Variants in CPZ observed in about 807,000 individuals in gnomAD.
CPZ encodes carboxypeptidase Z, also known as VEZT/CPZ fusion.
CPZ carries 103 observed loss-of-function variants against 61.8 expected under a neutral mutation model. That is an observed-to-expected ratio of 1.67 (90% CI 1.42 to 1.96). The LOEUF (loss-of-function observed/expected upper bound fraction) is 1.96. Among genes scored for constraint, CPZ ranks in the 30% most tolerant of loss-of-function variants. The pLI is 0.00. For missense variants in CPZ, 1,461 were observed against 914.9 expected (o/e 1.60, Z -7.70); for synonymous variants, 551 against 373.7 (o/e 1.47, Z -5.47).
intron 7 of CPZ, among the ~76,000 whole-genome samples, chr4:8,609,614 G>T (rs2109334170): frequency 6.6e-6 from 1 of 152,292 alleles, no homozygotes; most frequent in African/African-American, 2.4e-5. Flanking sequence ...CCTCTGCACA[G>T]GCCCAGTGTG....
At chr4:8,609,205 CACTT>C (rs1303860242) in intron 7 of CPZ, among the ~76,000 whole-genome samples, 72 of 104,336 alleles carry the variant, frequency 6.9e-4, no homozygotes, top group African/African-American at 1.6e-3. Context: ...CTCCCTCACT[CACTT>C]ACTCATTCAC....
At chr4:8,613,098 C>G (rs1715850233) in intron 8 of CPZ, among the ~76,000 whole-genome samples, 6 of 152,060 alleles carry the variant, frequency 3.9e-5, no homozygotes, top group Admixed American at 3.9e-4. Flanking sequence ...CAACAGACAC[C>G]CACGAGCAGA....
At chr4:8,612,896 A>G (rs1254800932) in intron 8 of CPZ, among the ~76,000 whole-genome samples, 2 of 152,180 alleles carry the variant, frequency 1.3e-5, no homozygotes, top group Non-Finnish European at 2.9e-5. Flanking sequence ...CCCTCTTCCC[A>G]TGCAGGCGGG....
At position 8,604,087 on chromosome 4, in the gene CPZ, G is replaced by A. The variant is rs376200702; in HGVS notation, c.608G>A (p.Arg203His). ...CGTGTGCTGAGGCGGACGGCCTCCC[G>A]CTGCGCCCACGTGGCCAGGACCTAC... Reference protein sequence around the residue: ...MVRVLRRTASRCAHVARTYSI... With the variant: ...MVRVLRRTASHCAHVARTYSI... Residue 203 changes from arginine to histidine, a missense_variant, in exon 4 of 11, where the codon CGC (arginine) becomes CAC (histidine). By Grantham distance (29) the Arg-to-His change is conservative. Transcript: ENST00000360986. 40 of 1,608,720 alleles carry A rather than the reference G, an allele frequency of 2.5e-5. No homozygotes were observed. Among genetic ancestry groups the A allele is most frequent in the Admixed American group, 6.7e-5 (4 of 59,732 alleles).
At chr4:8,603,822 G>A in intron 3 of CPZ, 154 bp from the exon 4 acceptor site, 1 of 672,186 alleles carries the variant, frequency 1.5e-6, no homozygotes, top group South Asian at 1.7e-5. Context: ...ATCGTTGTAG[G>A]CACTGCAGAG....
At chr4:8,609,241 T>C (rs1248819119) in intron 7 of CPZ, among the ~76,000 whole-genome samples, 129 of 47,988 alleles carry the variant, frequency 2.7e-3, no homozygotes, top group Non-Finnish European at 3.6e-3. Flanking sequence ...TTGTCACTCA[T>C]TCACTCATCA....
chr4:8,593,282 A>T (rs1432063923), intron 1 of CPZ, among the ~76,000 whole-genome samples: 2 of 152,108 alleles, frequency 1.3e-5, no homozygotes, highest in South Asian at 2.1e-4. Flanking sequence ...AGGCCATCTA[A>T]GGTCCCCGGG....
In CPZ at chr4:8,606,016, ACATT is replaced by A. The variant is rs761347771; in HGVS notation, c.741_744del (p.Ile247MetfsTer14). ...GAGCCCGAGGTGAAGCTCATCGGCA[ACATT>A]CATGGCAACGAGGTGGCGGGCCGGG... is the stretch of plus-strand genomic sequence containing the variant. On this transcript the variant is annotated frameshift_variant, in exon 5 of 11. Coordinates refer to ENST00000360986, the MANE Select transcript of CPZ (RefSeq NM_001014447.3). LOFTEE classifies it high-confidence loss of function. 6 of 1,613,930 alleles carry A rather than the reference ACATT, an allele frequency of 3.7e-6. No individual in the cohort carries two copies. Among genetic ancestry groups the A allele is most frequent in the Non-Finnish European group, 5.1e-6 (6 of 1,179,820 alleles).
At chr4:8,599,821 C>T in intron 2 of CPZ, 1 of 328,434 alleles carries the variant, frequency 3.0e-6, no homozygotes, top group East Asian at 7.9e-5. Flanking sequence ...TGGCTCTGTG[C>T]CGGGCCCCTG....
rs201458208 is a variant in CPZ, at chr4:8,603,945, C to T, written c.497-31C>T. ...AGTGGTAGGAAGCCTGGGGGCCTGA[C>T]ACTGACTGAGCCCCCCCACTGCTCC... On this transcript the variant is annotated intron_variant, in intron 3 of 10. Coordinates refer to ENST00000360986, the MANE Select transcript of CPZ (RefSeq NM_001014447.3). 273 of 1,596,002 alleles carry T rather than the reference C, an allele frequency of 1.7e-4. 1 individual carries two copies. The highest frequency in any genetic ancestry group is 6.3e-4 in the East Asian group (28 of 44,776).
At chr4:8,612,205 G>GGGC in intron 8 of CPZ, 43 bp downstream of exon 8, 1 of 202,856 alleles carries the variant, frequency 4.9e-6, no homozygotes, top group Non-Finnish European at 9.6e-6. Flanking sequence ...GGTGGGGGGT[G>GGGC]CAGGGGCTGG....
chr4:8,613,412 G>A (rs1446616844), intron 8 of CPZ, among the ~76,000 whole-genome samples: 1 of 152,212 alleles, frequency 6.6e-6, no homozygotes, highest in Non-Finnish European at 1.5e-5. Context: ...TTATAGGCGT[G>A]AGCCACTGCA....
rs183027294 is a variant in CPZ at position 8,608,776 on chromosome 4, C to T, written c.1227+1351C>T. Among the ~76,000 whole-genome samples, 268 of 141,560 alleles carry T rather than the reference C, an allele frequency of 1.9e-3. 3 individuals are homozygous for T. The highest frequency in any genetic ancestry group is 6.5e-3 in the African/African-American group (263 of 40,756). The allele number at this position is 141,560 out of a possible 152,430, so 92.9% of individuals were successfully genotyped here. On this transcript the variant is annotated intron_variant, in intron 7 of 10. Transcript: ENST00000360986. ...TCTCCACAGGTGAGGTAGAGATTTC[C>T]AGCTGCAGGGCAGGGAGGGGCACTG...
At position 8,606,822 on chromosome 4, in the gene CPZ, A is replaced by C. The variant is rs745545326; in HGVS notation, c.992A>C (p.Glu331Ala). The change falls in exon 6 of 11, where the codon GAG becomes GCG. Residue 331 changes from glutamate to alanine, a missense_variant. By Grantham distance (107) the Glu-to-Ala change is moderately radical. Coordinates refer to ENST00000360986, the MANE Select transcript of CPZ (RefSeq NM_001014447.3). ...CGAAATTTCCCGGACCTGACGTCCGAGTACTACCGGCTGGCGGAGACCCGC... is the reference window on the plus strand; with the variant it reads ...CGAAATTTCCCGGACCTGACGTCCGCGTACTACCGGCTGGCGGAGACCCGC... ...LNRNFPDLTSEYYRLAETRGA... is the reference protein window; with the variant it reads ...LNRNFPDLTSAYYRLAETRGA... 6 of 1,613,982 alleles carry C rather than the reference A, an allele frequency of 3.7e-6. No individual in the cohort carries two copies. Among genetic ancestry groups the C allele is most frequent in the East Asian group, 4.5e-5 (2 of 44,882 alleles).
At chr4:8,612,198 G>GCC in intron 8 of CPZ, 36 bp downstream of exon 8, 1 of 343,546 alleles carries the variant, frequency 2.9e-6, no homozygotes, top group Non-Finnish European at 4.9e-6. Context: ...GGCGGGGGGT[G>GCC]GGGGGTGCAG....
Position 8,601,088 on chromosome 4 carries a change from C to A in CPZ, c.122-35C>A, listed in dbSNP as rs577538989. The stretch of plus-strand genomic sequence containing the variant: ...TGATGCGTGACGGTCAGGGCCACTG[C>A]AGGAGGGACTGACCTGCCGACCCTG... On this transcript the variant is annotated intron_variant, in intron 2 of 10. Coordinates refer to ENST00000360986, the MANE Select transcript of CPZ (RefSeq NM_001014447.3). The A allele has an allele frequency of 3.4e-3, 5,239 of 1,538,542 alleles. 170 individuals are homozygous for A. In the African/African-American group the frequency reaches 0.061, roughly 18 times the overall value.
At chr4:8,616,965 C>T (rs1333949974) in intron 9 of CPZ, among the ~76,000 whole-genome samples, 1 of 152,182 alleles carries the variant, frequency 6.6e-6, no homozygotes, top group Non-Finnish European at 1.5e-5. Context: ...TCATGGATTC[C>T]ATGTGCTCTG....
In CPZ at chr4:8,603,970, C is replaced by A. The variant is rs1293066006; in HGVS notation, c.497-6C>A. 3 of 1,611,870 alleles carry A rather than the reference C, an allele frequency of 1.9e-6. No individual in the cohort carries two copies. Among genetic ancestry groups the A allele is most frequent in the Admixed American group, 1.7e-5 (1 of 60,012 alleles). ...CACTGACTGAGCCCCCCCACTGCTC[C>A]CCCAGGAGGCCTGGAGGCTGACGAG... On this transcript the variant is annotated splice_region_variant and splice_polypyrimidine_tract_variant and intron_variant, in intron 3 of 10. Coordinates refer to ENST00000360986, the MANE Select transcript of CPZ (RefSeq NM_001014447.3).
At chr4:8,616,007 T>G (rs1277171830) in intron 9 of CPZ, among the ~76,000 whole-genome samples, 4 of 152,146 alleles carry the variant, frequency 2.6e-5, no homozygotes, top group Non-Finnish European at 5.9e-5. Context: ...CACATTGCAT[T>G]TTGCGGCTGT....
Sources: gnomAD v4.1 joint callset for allele counts (sites outside exome capture counted in the v4.1 genomes callset) on GRCh38, gnomAD v4.1.1 for gene constraint, MANE v1.5 for transcripts, NCBI Gene and HGNC (gene_info 2026-07-23, HGNC 2026-07-21) for gene names.